The following LRRC4C variants were observed in gnomAD, a reference collection of about 807,000 sequenced individuals.
The protein encoded by LRRC4C is leucine-rich repeat-containing protein 4C.
LRRC4C carries 5 observed loss-of-function variants against 33.6 expected under a neutral mutation model. That is an observed-to-expected ratio of 0.15 (90% confidence interval 0.08 to 0.31). The LOEUF (loss-of-function observed/expected upper bound fraction) is 0.31, where lower values mean the gene tolerates loss of function less well. Ranked by LOEUF, LRRC4C falls within the 10% of genes least tolerant of loss-of-function variation. The probability of loss-of-function intolerance (pLI) is 1.00; values close to 1 mark genes in which losing one functional copy is unlikely to be tolerated. For missense variants in LRRC4C, 560 were observed against 796.7 expected (o/e 0.70, Z 3.58); for synonymous variants, 329 against 302.0 (o/e 1.09, Z -0.93).
chr11:40,359,431 G>A (rs763531914), intron 3 of LRRC4C, among the ~76,000 whole-genome samples: 4 of 152,090 alleles, frequency 2.6e-5, no homozygotes, highest in Admixed American at 6.6e-5. Flanking sequence ...TTTCCCCAAA[G>A]CCATCCATTA....
At chr11:40,191,939 G>A (rs1268627011) in intron 5 of LRRC4C, among the ~76,000 whole-genome samples, 1 of 152,144 alleles carries the variant, frequency 6.6e-6, no homozygotes. Context: ...CACCCTGGGT[G>A]ACAGAGTGAG....
chr11:40,805,215 G>A (rs1188216990), intron 2 of LRRC4C, among the ~76,000 whole-genome samples: 1 of 152,198 alleles, frequency 6.6e-6, no homozygotes, highest in Non-Finnish European at 1.5e-5. Context: ...GAGTGGCTGA[G>A]ATTAGGGATC....
intron 2 of LRRC4C, among the ~76,000 whole-genome samples, chr11:40,780,962 T>A (rs867435444): frequency 1.3e-5 from 2 of 152,098 alleles, no homozygotes; most frequent in Admixed American, 1.3e-4. Flanking sequence ...CAGTCATGGG[T>A]CACTTACTGA....
intron 1 of LRRC4C, among the ~76,000 whole-genome samples, chr11:41,175,964 G>T (rs1195531772): frequency 2.0e-5 from 3 of 152,056 alleles, no homozygotes; most frequent in Non-Finnish European, 4.4e-5. Flanking sequence ...CTACCAGTAG[G>T]ACTTCTGTTA....
At chr11:41,363,153 G>A (rs990866158) in intron 1 of LRRC4C, among the ~76,000 whole-genome samples, 3 of 152,142 alleles carry the variant, frequency 2.0e-5, no homozygotes, top group Non-Finnish European at 4.4e-5. Flanking sequence ...TTCTCTGGCT[G>A]GCTCCTGCCA....
intron 2 of LRRC4C, among the ~76,000 whole-genome samples, chr11:40,832,963 G>A (rs188597142): frequency 5.9e-5 from 9 of 152,202 alleles, no homozygotes; most frequent in Non-Finnish European, 2.9e-5. Flanking sequence ...GCATAAGGAG[G>A]TTTCACAAGA....
intron 1 of LRRC4C, among the ~76,000 whole-genome samples, chr11:41,210,360 G>A (rs1288528493): frequency 1.3e-5 from 2 of 152,090 alleles, no homozygotes; most frequent in Non-Finnish European, 1.5e-5. Flanking sequence ...TAAGTCTCGC[G>A]AGATCTGATG....
At chr11:40,658,044 T>C (rs1246744518) in intron 2 of LRRC4C, among the ~76,000 whole-genome samples, 1 of 152,252 alleles carries the variant, frequency 6.6e-6, no homozygotes, top group Non-Finnish European at 1.5e-5. Context: ...TCTTTCCACA[T>C]ACCTGAATCA....
chr11:40,876,592 G>A (rs758641508), intron 2 of LRRC4C, among the ~76,000 whole-genome samples: 76 of 152,010 alleles, frequency 5.0e-4, no homozygotes, highest in Non-Finnish European at 8.1e-4. Context: ...ATGTGCTGCC[G>A]GTGGTGACTG....
intron 3 of LRRC4C, among the ~76,000 whole-genome samples, chr11:40,444,851 A>G (rs2138007857): frequency 6.6e-6 from 1 of 152,366 alleles, no homozygotes; most frequent in East Asian, 1.9e-4. Context: ...TAACCAAAAC[A>G]GATCACACAT....
chr11:41,209,499 G>T (rs1006879443), intron 1 of LRRC4C, among the ~76,000 whole-genome samples: 6 of 151,690 alleles, frequency 4.0e-5, no homozygotes, highest in Non-Finnish European at 8.8e-5. Context: ...TAAGATTTTG[G>T]ATTTAGAATT....
At chr11:41,166,836 C>A (rs1200115158) in intron 1 of LRRC4C, among the ~76,000 whole-genome samples, 2 of 152,174 alleles carry the variant, frequency 1.3e-5, no homozygotes, top group Admixed American at 1.3e-4. Context: ...ATGTATGATG[C>A]TTACCTTATG....
chr11:41,296,016 G>A (rs1950131520), intron 1 of LRRC4C, among the ~76,000 whole-genome samples: 1 of 152,196 alleles, frequency 6.6e-6, no homozygotes, highest in South Asian at 2.1e-4. Flanking sequence ...AAAATCCCAT[G>A]TTCCTGTAAG....
intron 3 of LRRC4C, among the ~76,000 whole-genome samples, chr11:40,343,616 C>T (rs965655378): frequency 3.4e-5 from 5 of 148,410 alleles, no homozygotes; most frequent in Non-Finnish European, 7.4e-5. Context: ...GTATTCAAAA[C>T]CATTGTTTTT....
At chr11:40,776,643 C>T (rs1950008174) in intron 2 of LRRC4C, among the ~76,000 whole-genome samples, 1 of 151,858 alleles carries the variant, frequency 6.6e-6, no homozygotes, top group Admixed American at 6.6e-5. Flanking sequence ...TCTAGCTAGT[C>T]ATCTATCAAT....
intron 3 of LRRC4C, among the ~76,000 whole-genome samples, chr11:40,331,801 G>C (rs1946375457): frequency 6.6e-6 from 1 of 152,162 alleles, no homozygotes; most frequent in African/African-American, 2.4e-5. Flanking sequence ...CCATTCTTCA[G>C]ACTGGGACTG....
At chr11:41,005,603 C>G (rs1357342236) in intron 1 of LRRC4C, among the ~76,000 whole-genome samples, 1 of 151,906 alleles carries the variant, frequency 6.6e-6, no homozygotes, top group African/African-American at 2.4e-5. Flanking sequence ...GACTCCATCT[C>G]AAAAATAAAA....
At chr11:40,417,429 A>G (rs1247926372) in intron 3 of LRRC4C, among the ~76,000 whole-genome samples, 2 of 151,940 alleles carry the variant, frequency 1.3e-5, no homozygotes, top group Non-Finnish European at 2.9e-5. Context: ...CCTCCTGGGT[A>G]TAAGTGATTC....
intron 1 of LRRC4C, among the ~76,000 whole-genome samples, chr11:41,406,135 T>C (rs1386589812): frequency 1.3e-5 from 2 of 152,138 alleles, no homozygotes; most frequent in African/African-American, 4.8e-5. Flanking sequence ...TTAAAGAAGC[T>C]ACATAAGTAT....
Sources: gnomAD v4.1 joint callset for allele counts (sites outside exome capture counted in the v4.1 genomes callset) on GRCh38, gnomAD v4.1.1 for gene constraint, MANE v1.5 for transcripts, NCBI Gene and HGNC (gene_info 2026-07-23, HGNC 2026-07-21) for gene names.